Variants in PRDM10 observed in about 807,000 individuals in gnomAD.
PRDM10 encodes the protein PR/SET domain 10, also known as PR domain zinc finger protein 10.
A neutral mutation model predicts 133.1 loss-of-function variants in PRDM10; 65 were observed. The observed-to-expected ratio is 0.49, with a 90% confidence interval of 0.40 to 0.60. The LOEUF is 0.60. PRDM10 is among the 20% of genes least tolerant of loss of function. PRDM10 has a pLI of 0.00. For synonymous variants in PRDM10, 582 were observed against 580.4 expected (o/e 1.00, Z -0.04); for missense variants, 1,137 against 1,507.1 (o/e 0.75, Z 4.07).
At chr11:129,968,538 A>G (rs1240344005) in intron 1 of PRDM10, among the ~76,000 whole-genome samples, 3 of 152,050 alleles carry the variant, frequency 2.0e-5, no homozygotes, top group Non-Finnish European at 4.4e-5. Flanking sequence ...GGGGTGGTGG[A>G]AGCAGAATTT....
intron 19 of PRDM10, among the ~76,000 whole-genome samples, chr11:129,906,759 C>T (rs1950028065): frequency 6.6e-6 from 1 of 152,274 alleles, no homozygotes; most frequent in East Asian, 1.9e-4. Context: ...AGGCGGATCA[C>T]TTGAGGTCAG....
At chr11:129,916,116 C>A (rs550213323) in intron 15 of PRDM10, among the ~76,000 whole-genome samples, 2 of 151,968 alleles carry the variant, frequency 1.3e-5, no homozygotes, top group East Asian at 3.9e-4. Flanking sequence ...GTGAAAATAC[C>A]CTTTATCCTA....
chr11:129,939,727 A>C (rs116057221), intron 7 of PRDM10, among the ~76,000 whole-genome samples: 1,547 of 152,330 alleles, frequency 0.01, 22 homozygotes, highest in African/African-American at 0.035. Context: ...AACACAAGAA[A>C]TCTGAAAGCC....
chr11:129,966,760 C>T (rs1398258544), intron 1 of PRDM10, among the ~76,000 whole-genome samples: 2 of 152,076 alleles, frequency 1.3e-5, no homozygotes, highest in African/African-American at 4.8e-5. Flanking sequence ...AGTGAGAAAA[C>T]AGCAGGATTA....
chr11:129,954,118 GCTC>G (rs1205653918), intron 4 of PRDM10, among the ~76,000 whole-genome samples: 1 of 150,684 alleles, frequency 6.6e-6, no homozygotes, highest in Non-Finnish European at 1.5e-5. Context: ...TACAAAAAAG[GCTC>G]CTAACAAACT....
intron 1 of PRDM10, among the ~76,000 whole-genome samples, chr11:129,967,731 G>A (rs1951936133): frequency 6.6e-6 from 1 of 152,304 alleles, no homozygotes; most frequent in South Asian, 2.1e-4. Flanking sequence ...CTTGCAGGGT[G>A]AGAGTGACAG....
chr11:129,918,751 A>G lies in PRDM10; in HGVS notation c.2035-33T>C. ...GAGAGTATTTTTGAAAACGGGGTAG[A>G]CACGGGGGTAGAAAATTTTTAACTG... On this transcript the variant is annotated intron_variant, in intron 13 of 20. Coordinates refer to ENST00000360871, the MANE Select transcript of PRDM10 (RefSeq NM_199437.2). The surrounding 1 kb of genome is among the most constrained non-coding windows in gnomAD (Gnocchi z 5.3). 1 of 1,554,546 alleles carries G rather than the reference A, an allele frequency of 6.4e-7. No individual in the cohort carries two copies. The highest frequency in any genetic ancestry group is 8.7e-7 in the Non-Finnish European group (1 of 1,144,376).
chr11:129,976,816 G>A (rs571034878), intron 1 of PRDM10, among the ~76,000 whole-genome samples: 3 of 152,280 alleles, frequency 2.0e-5, no homozygotes, highest in African/African-American at 7.2e-5. Context: ...AATTAGTGAT[G>A]AACAAATAAC....
chr11:129,929,300 G>T, intron 11 of PRDM10: 1 of 1,020,436 alleles, frequency 9.8e-7, no homozygotes, highest in Non-Finnish European at 1.4e-6. Context: ...ATTTACTGTA[G>T]CAACCAAACT....
chr11:129,925,376 A>G, intron 11 of PRDM10, 147 bp from the exon 12 acceptor site: 1 of 752,024 alleles, frequency 1.3e-6, no homozygotes, highest in Non-Finnish European at 2.0e-6. Context: ...TTGAAAGGAG[A>G]TTTTTCTGGT....
intron 11 of PRDM10, chr11:129,929,279 C>A (rs528884321): frequency 1.3e-6 from 1 of 753,100 alleles, no homozygotes; most frequent in South Asian, 2.3e-5. Context: ...TATCATTATT[C>A]ATTAATTTGC....
At chr11:129,905,520 T>C (rs1949987030) in intron 20 of PRDM10, 118 bp downstream of exon 20, 11 of 800,124 alleles carry the variant, frequency 1.4e-5, no homozygotes, top group Non-Finnish European at 2.3e-5. Context: ...TTCAAAGAAT[T>C]CATCATCTAC....
chr11:129,944,369 C>T (rs1312063137), intron 6 of PRDM10, among the ~76,000 whole-genome samples: 2 of 152,006 alleles, frequency 1.3e-5, no homozygotes, highest in Non-Finnish European at 2.9e-5. Context: ...CCAAGGCGGG[C>T]AGATCACGAG....
chr11:129,955,809 C>T (rs1053077913), intron 3 of PRDM10, among the ~76,000 whole-genome samples: 3 of 152,210 alleles, frequency 2.0e-5, no homozygotes, highest in East Asian at 1.9e-4. Flanking sequence ...TAACATACTT[C>T]GCAATTTTAC....
intron 1 of PRDM10, among the ~76,000 whole-genome samples, chr11:129,964,253 C>G: frequency 6.6e-6 from 1 of 152,156 alleles, no homozygotes; most frequent in South Asian, 2.1e-4. Flanking sequence ...ACACACAGCC[C>G]AGAGAGTCTT....
chr11:129,903,681 A>G (rs1949917858), intron 20 of PRDM10, among the ~76,000 whole-genome samples: 1 of 152,204 alleles, frequency 6.6e-6, no homozygotes, highest in African/African-American at 2.4e-5. Context: ...GCCTGTCTGC[A>G]CTGCCCAGAA....
chr11:129,995,196 TTCA>T (rs1486028986), intron 1 of PRDM10, among the ~76,000 whole-genome samples: 8 of 152,326 alleles, frequency 5.3e-5, no homozygotes, highest in Non-Finnish European at 1.2e-4. Context: ...TAATTTTCAA[TTCA>T]TCAACTTCAA....
chr11:129,957,664 C>A (rs1376076560), intron 3 of PRDM10, 82 bp downstream of exon 3: 1 of 1,510,384 alleles, frequency 6.6e-7, no homozygotes, highest in Non-Finnish European at 9.0e-7. Context: ...CAGTACCTAG[C>A]ACAATGACTG....
intron 1 of PRDM10, among the ~76,000 whole-genome samples, chr11:129,989,208 G>A (rs191601771): frequency 6.6e-6 from 1 of 152,132 alleles, no homozygotes; most frequent in Admixed American, 6.5e-5. Context: ...GGGAGGCTGA[G>A]GGGGGATGAT....
Sources: allele counts gnomAD v4.1 joint callset (sites outside exome capture counted in the v4.1 genomes callset), GRCh38; gene constraint gnomAD v4.1.1; non-coding constraint Gnocchi (gnomAD v3.1); transcripts MANE v1.5; gene names NCBI Gene and HGNC (gene_info 2026-07-23, HGNC 2026-07-21).